The following BID variants were observed in gnomAD, a reference collection of about 807,000 sequenced individuals.
BID encodes BH3-interacting domain death agonist.
BID carries 19 observed loss-of-function variants against 17.4 expected under a neutral mutation model. That is an observed-to-expected ratio of 1.09 (90% CI 0.76 to 1.60). The LOEUF is 1.60. BID is among the 40% of genes most tolerant of loss of function. The pLI is 0.00. For missense variants in BID, 226 were observed against 256.0 expected (o/e 0.88, Z 0.80); for synonymous variants, 108 against 102.8 (o/e 1.05, Z -0.31).
At chr22:17,744,315 G>A (rs1409198668) in intron 2 of BID, among the ~76,000 whole-genome samples, 1 of 152,220 alleles carries the variant, frequency 6.6e-6, no homozygotes, top group Non-Finnish European at 1.5e-5. Flanking sequence ...CCCACTAGGT[G>A]AGAAGGCCAC....
intron 2 of BID, among the ~76,000 whole-genome samples, chr22:17,744,624 G>A (rs2061483554): frequency 6.6e-6 from 1 of 152,250 alleles, no homozygotes; most frequent in Non-Finnish European, 1.5e-5. Flanking sequence ...ACAGGGAGTG[G>A]TGGCACTGGC....
chr22:17,748,440 G>A (rs141963645), intron 2 of BID, among the ~76,000 whole-genome samples: 4,364 of 151,826 alleles, frequency 0.029, 95 homozygotes, highest in African/African-American at 0.067. Flanking sequence ...CCCGGGAGGC[G>A]GAGCCTGCAG....
In BID at chr22:17,735,597, GC is replaced by G. The variant is rs2061413573; in HGVS notation, c.577-7del. The stretch of plus-strand genomic sequence containing the variant: ...CTGTCCGTTCAGTCCATCCCCTAGA[GC>G]AAGAAAGGAGAAAAAGCCAGAATCA... On this transcript the variant is annotated splice_polypyrimidine_tract_variant and splice_region_variant and intron_variant, in intron 5 of 5. Coordinates refer to ENST00000622694, the MANE Select transcript of BID (RefSeq NM_001196.4). The G allele has an allele frequency of 1.2e-6, 2 of 1,614,032 alleles. No individual in the cohort carries two copies. Among genetic ancestry groups the G allele is most frequent in the Non-Finnish European group, 1.7e-6 (2 of 1,180,042 alleles).
intron 1 of BID, among the ~76,000 whole-genome samples, chr22:17,762,903 G>A (rs937501882): frequency 6.6e-6 from 1 of 151,676 alleles, no homozygotes; most frequent in African/African-American, 2.4e-5. Context: ...TTAAGACGGA[G>A]TCTCACTCTG....
At chr22:17,766,429 G>A (rs551146547) in intron 1 of BID, among the ~76,000 whole-genome samples, 3 of 150,398 alleles carry the variant, frequency 2.0e-5, no homozygotes, top group Non-Finnish European at 4.4e-5. Context: ...TTACAGGCAT[G>A]CACCACTATG....
At position 17,773,179 on chromosome 22, in the gene BID, C is replaced by T. The variant is rs1177966475; in HGVS notation, c.-59+1202G>A. 2.0e-5 allele frequency among the ~76,000 whole-genome samples: 3 copies of T among 152,152 alleles called. No individual in the cohort carries two copies. Among genetic ancestry groups the T allele is most frequent in the African/African-American group, 7.2e-5 (3 of 41,438 alleles). On this transcript the variant is annotated intron_variant, in intron 1 of 5. Transcript: ENST00000622694. This position sits in a 1 kb window ranked among gnomAD's most constrained non-coding sequence, Gnocchi z 4.4. ...GGGCAGGGACGCACACCCTGGGCCG[C>T]AGGCAGAGGCTTGGCCAGGGTCGTC...
intron 1 of BID, among the ~76,000 whole-genome samples, chr22:17,755,769 C>T (rs946744438): frequency 2.1e-5 from 3 of 143,518 alleles, no homozygotes; most frequent in Non-Finnish European, 4.5e-5. Context: ...TACTGCACTA[C>T]AGCCTGGGCG....
intron 1 of BID, among the ~76,000 whole-genome samples, chr22:17,754,621 G>A (rs1225860524): frequency 6.6e-6 from 1 of 152,260 alleles, no homozygotes; most frequent in Non-Finnish European, 1.5e-5. Context: ...CAGCACACAG[G>A]TGCTCCCAGA....
intron 5 of BID, among the ~76,000 whole-genome samples, chr22:17,736,858 C>T (rs926556220): frequency 6.6e-6 from 1 of 151,938 alleles, no homozygotes; most frequent in African/African-American, 2.4e-5. Flanking sequence ...GGCTGGAGTG[C>T]AGTGGCGTGA....
chr22:17,768,196 A>G (rs1230651790), intron 1 of BID, among the ~76,000 whole-genome samples: 2 of 152,218 alleles, frequency 1.3e-5, no homozygotes. Flanking sequence ...ACGGTCGCAC[A>G]CCGTGTATAT....
chr22:17,758,135 C>T (rs903652266), intron 1 of BID, among the ~76,000 whole-genome samples: 1 of 152,210 alleles, frequency 6.6e-6, no homozygotes, highest in African/African-American at 2.4e-5. Context: ...TACATTCAGT[C>T]TCATATCTCT....
chr22:17,758,254 G>T (rs1180740702), intron 1 of BID, among the ~76,000 whole-genome samples: 1 of 152,198 alleles, frequency 6.6e-6, no homozygotes, highest in Non-Finnish European at 1.5e-5. Flanking sequence ...CCGAGACCTC[G>T]CAGGCACTGA....
intron 3 of BID, among the ~76,000 whole-genome samples, chr22:17,742,710 G>A (rs756898703): frequency 1.8e-4 from 27 of 152,176 alleles, no homozygotes; most frequent in Non-Finnish European, 2.9e-4. Flanking sequence ...GCAGTCTCCC[G>A]CCCTAAAACA....
In BID at chr22:17,738,157, TCTC is replaced by T. The variant is rs752495851; in HGVS notation, c.433_435del (p.Glu145del). 11 of 1,613,730 alleles carry T rather than the reference TCTC, an allele frequency of 6.8e-6. No homozygotes were observed. The highest frequency in any genetic ancestry group is 6.7e-5 in the Admixed American group (4 of 60,024). On this transcript the variant is annotated inframe_deletion, in exon 5 of 6. Transcript: ENST00000622694. ...AGCAGGGCCAGCACCAGCATGGTCT[TCTC>T]CTTCTCCATGTCTCTAGGGTAGGCC...
chr22:17,756,824 T>A (rs1569048137), intron 1 of BID, among the ~76,000 whole-genome samples: 1 of 152,028 alleles, frequency 6.6e-6, no homozygotes, highest in Non-Finnish European at 1.5e-5. Context: ...TCCGCCCCCC[T>A]CAGCCTCTCA....
chr22:17,743,429 A>T (rs1458683245), intron 3 of BID, among the ~76,000 whole-genome samples: 2 of 152,236 alleles, frequency 1.3e-5, no homozygotes, highest in Non-Finnish European at 1.5e-5. Flanking sequence ...CAAGTGTGAG[A>T]ACCCCTTGGG....
At chr22:17,766,406 C>T (rs142443416) in intron 1 of BID, among the ~76,000 whole-genome samples, 1,614 of 151,614 alleles carry the variant, frequency 0.011, 30 homozygotes, top group African/African-American at 0.037. Flanking sequence ...CTCAGCCTCC[C>T]GAGTAGCTGG....
At chr22:17,748,753 G>T (rs1031951504) in intron 2 of BID, among the ~76,000 whole-genome samples, 2 of 152,150 alleles carry the variant, frequency 1.3e-5, no homozygotes, top group African/African-American at 4.8e-5. Context: ...GAGGGCAGGC[G>T]CCTCCTCCGG....
At chr22:17,748,377 G>T (rs1284775787) in intron 2 of BID, among the ~76,000 whole-genome samples, 1 of 150,390 alleles carries the variant, frequency 6.6e-6, no homozygotes. Context: ...GCGTGGTGGC[G>T]GGCGCCTGTA....
Sources: gnomAD v4.1 joint callset for allele counts (sites outside exome capture counted in the v4.1 genomes callset) on GRCh38, gnomAD v4.1.1 for gene constraint, Gnocchi (gnomAD v3.1) non-coding constraint, MANE v1.5 for transcripts, NCBI Gene and HGNC (gene_info 2026-07-23, HGNC 2026-07-21) for gene names.